Variants in ZNF821 observed in about 807,000 individuals in gnomAD.
ZNF821 encodes the protein zinc finger protein 821.
Under a neutral mutation model 44.3 loss-of-function variants are expected in ZNF821, and 16 were observed. That is an observed-to-expected ratio of 0.36 (90% CI 0.24 to 0.55). ZNF821 has a LOEUF of 0.55. Ranked by LOEUF, ZNF821 falls within the 20% of genes least tolerant of loss-of-function variation. The pLI is 0.86. For missense variants in ZNF821, 436 were observed against 547.6 expected, an observed-to-expected ratio of 0.80 and a Z score of 2.03; for synonymous variants, 204 against 197.6, an observed-to-expected ratio of 1.03 and a Z score of -0.27.
intron 1 of ZNF821, among the ~76,000 whole-genome samples, chr16:71,891,995 C>CAAAAA (rs58554253): frequency 4.7e-5 from 1 of 21,158 alleles, no homozygotes; most frequent in African/African-American, 1.3e-4. Context: ...GACTCCGTCT[C>CAAAAA]AAAAAAAAAA....
At chr16:71,870,604 T>C (rs906979171) in intron 3 of ZNF821, among the ~76,000 whole-genome samples, 3 of 151,742 alleles carry the variant, frequency 2.0e-5, no homozygotes, top group African/African-American at 7.3e-5. Flanking sequence ...CTTAGCCTCC[T>C]GAGTAGCAGG....
At chr16:71,886,026 A>G (rs954788940), upstream of ZNF821, among the ~76,000 whole-genome samples, 1 of 152,234 alleles carries the variant, frequency 6.6e-6, no homozygotes, top group Non-Finnish European at 1.5e-5. Flanking sequence ...GACATTTTCA[A>G]CAGAAAAGTA....
intron 7 of ZNF821, among the ~76,000 whole-genome samples, chr16:71,861,273 A>G (rs2033852821): frequency 6.6e-6 from 1 of 152,258 alleles, no homozygotes; most frequent in Admixed American, 6.5e-5. Context: ...GATTTTGATA[A>G]GAGCTTTGCA....
In ZNF821 at chr16:71,860,297, C is replaced by T. The variant is rs1043021367; in HGVS notation, c.960G>A (p.Leu320=). Residue 320 remains leucine (L), a synonymous_variant, in exon 8 of 8, where the codon CTG becomes CTA. Coordinates refer to ENST00000425432, the MANE Select transcript of ZNF821 (RefSeq NM_001201552.2). This position sits in a 1 kb window ranked among gnomAD's most constrained non-coding sequence, Gnocchi z 7.3. ...GCCTCATGGCCTCCCGATCCCGCTG[C>T]AGCCGGCGTGCCCGCTGCTCGTCTG... is the stretch of plus-strand genomic sequence containing the variant. The part of the protein sequence containing the change: ...QETDEQRARR[L]QRDREAMRLK... 7 of 1,613,244 alleles carry T rather than the reference C, an allele frequency of 4.3e-6. No individual in the cohort carries two copies. The highest frequency in any genetic ancestry group is 5.9e-6 in the Non-Finnish European group (7 of 1,180,010).
chr16:71,888,808 A>C (rs546090651), upstream of ZNF821, among the ~76,000 whole-genome samples: 2 of 152,326 alleles, frequency 1.3e-5, no homozygotes, highest in South Asian at 4.1e-4. Flanking sequence ...AAATGTAAAA[A>C]CCTGATTTGA....
At position 71,860,345 on chromosome 16, in the gene ZNF821, C is replaced by A; in HGVS notation, c.912G>T (p.Lys304Asn). 1 of 1,611,870 alleles carries A rather than the reference C, an allele frequency of 6.2e-7. No individual in the cohort carries two copies. Among genetic ancestry groups the A allele is most frequent in the Non-Finnish European group, 8.5e-7 (1 of 1,180,008 alleles). Reference protein sequence around the residue: ...EVRRMRDREAKRLQRMQETDE... With the variant: ...EVRRMRDREANRLQRMQETDE... ...CTGTCTCCTGCATGCGCTGCAAGCG[C>A]TTGGCTTCACGGTCCCTCATGCGCC... Residue 304 changes from lysine (K) to asparagine (N), a missense_variant, in exon 8 of 8, where the codon AAG becomes AAT. Transcript: ENST00000425432. This position sits in a 1 kb window ranked among gnomAD's most constrained non-coding sequence, Gnocchi z 7.3.
At chr16:71,865,201 T>C (rs1017503092) in intron 4 of ZNF821, among the ~76,000 whole-genome samples, 153 bp from the exon 5 acceptor site, 4 of 152,212 alleles carry the variant, frequency 2.6e-5, no homozygotes, top group African/African-American at 9.6e-5. Context: ...TTATGTCAAG[T>C]GGAAACCAAC....
intron 3 of ZNF821, among the ~76,000 whole-genome samples, chr16:71,870,867 A>G (rs959928129): frequency 3.3e-5 from 5 of 152,222 alleles, no homozygotes; most frequent in African/African-American, 1.2e-4. Flanking sequence ...GCACTAAGGA[A>G]CAAGTTATGT....
At chr16:71,862,804 T>G (rs2034054609) in intron 6 of ZNF821, among the ~76,000 whole-genome samples, 1 of 152,214 alleles carries the variant, frequency 6.6e-6, no homozygotes, top group Admixed American at 6.5e-5. Flanking sequence ...GAGGTACAGG[T>G]GCCCTGTGAT....
chr16:71,880,437 C>T (rs1273508325), intron 2 of ZNF821: 1 of 152,560 alleles, frequency 6.6e-6, no homozygotes, highest in Non-Finnish European at 1.5e-5. Flanking sequence ...CACATGCCCA[C>T]TGGAAGTCAA....
chr16:71,862,166 G>A (rs1487947701), intron 6 of ZNF821, among the ~76,000 whole-genome samples: 1 of 152,130 alleles, frequency 6.6e-6, no homozygotes, highest in African/African-American at 2.4e-5. Context: ...TACGTTCTGG[G>A]ACATGTGGCT....
chr16:71,882,325 T>C (rs1342978125), intron 2 of ZNF821: 2 of 151,214 alleles, frequency 1.3e-5, no homozygotes, highest in Non-Finnish European at 2.9e-5. Context: ...ACTCCTCTAA[T>C]GTGATAATCT....
In ZNF821 at chr16:71,879,963, A is replaced by G; in HGVS notation, c.-17T>C. 1 of 1,612,290 alleles carries G rather than the reference A, an allele frequency of 6.2e-7. No individual in the cohort carries two copies. Among genetic ancestry groups the G allele is most frequent in the Non-Finnish European group, 8.5e-7 (1 of 1,179,334 alleles). ...ACGGGACATGTTTCCCTGATGCAAG[A>G]GCTCTGGTCTTTCCCAGTTTCACGA... On this transcript the variant is annotated 5_prime_UTR_variant, in exon 3 of 8. Transcript: ENST00000425432.
intron 2 of ZNF821, among the ~76,000 whole-genome samples, chr16:71,881,059 T>C (rs1318397721): frequency 6.6e-6 from 1 of 152,224 alleles, no homozygotes; most frequent in Non-Finnish European, 1.5e-5. Context: ...AAAGGGATTG[T>C]CTTTCCTACC....
chr16:71,893,694 G>A (rs890279981), intron 1 of ZNF821, among the ~76,000 whole-genome samples: 7 of 149,780 alleles, frequency 4.7e-5, no homozygotes, highest in Non-Finnish European at 1.0e-4. Context: ...TCTTACCTCA[G>A]GTGATCCACC....
intron 1 of ZNF821, 166 bp from the exon 2 acceptor site, chr16:71,883,439 A>G: frequency 2.9e-6 from 1 of 341,792 alleles, no homozygotes. Flanking sequence ...AGAGCCTGAC[A>G]AGAGCCGGAG....
At chr16:71,861,424 C>G (rs775125440) in intron 7 of ZNF821, among the ~76,000 whole-genome samples, 3 of 152,212 alleles carry the variant, frequency 2.0e-5, no homozygotes, top group African/African-American at 7.2e-5. Flanking sequence ...ACAAACGGGA[C>G]AAGGACACAA....
upstream of ZNF821, among the ~76,000 whole-genome samples, chr16:71,886,545 A>G (rs1277088521): frequency 6.6e-6 from 1 of 152,216 alleles, no homozygotes; most frequent in Non-Finnish European, 1.5e-5. Context: ...TTTCCACTTG[A>G]AATATCTTCC....
intron 1 of ZNF821, among the ~76,000 whole-genome samples, chr16:71,891,967 C>T (rs1218140157): frequency 3.0e-5 from 4 of 132,396 alleles, no homozygotes; most frequent in African/African-American, 8.7e-5. Context: ...CTGCACTCCA[C>T]CCTGGGCGAC....
Sources: allele counts gnomAD v4.1 joint callset (sites outside exome capture counted in the v4.1 genomes callset), GRCh38; gene constraint gnomAD v4.1.1; non-coding constraint Gnocchi (gnomAD v3.1); transcripts MANE v1.5; gene names NCBI Gene and HGNC (gene_info 2026-07-23, HGNC 2026-07-21).